The following ZFHX4 variants were observed in gnomAD, a reference collection of about 807,000 sequenced individuals.
ZFHX4 encodes zinc finger homeobox protein 4.
ZFHX4 carries 56 observed loss-of-function variants against 267.6 expected under a neutral mutation model. The observed-to-expected ratio is 0.21, with a 90% CI of 0.17 to 0.26. ZFHX4 has a LOEUF of 0.26. ZFHX4 is among the 10% of genes least tolerant of loss of function. ZFHX4 has a pLI of 1.00. For missense variants in ZFHX4, 4,332 were observed against 4,420.0 expected (o/e 0.98, Z 0.56); for synonymous variants, 1,778 against 1,665.6 (o/e 1.07, Z -1.64).
intron 3 of ZFHX4, among the ~76,000 whole-genome samples, chr8:76,748,423 A>G (rs1408672351): frequency 6.6e-6 from 1 of 152,130 alleles, no homozygotes; most frequent in Non-Finnish European, 1.5e-5. Context: ...AAGTTTTTAT[A>G]TTATTGTTTT....
At chr8:76,698,540 TGA>T (rs1808016655) in intron 1 of ZFHX4, among the ~76,000 whole-genome samples, 1 of 151,630 alleles carries the variant, frequency 6.6e-6, no homozygotes, top group Non-Finnish European at 1.5e-5. Context: ...TTTAGTGATG[TGA>T]GAGAGAATGA....
intron 4 of ZFHX4, among the ~76,000 whole-genome samples, chr8:76,832,378 G>A (rs1001919766): frequency 1.2e-4 from 18 of 152,074 alleles, no homozygotes; most frequent in African/African-American, 3.1e-4. Flanking sequence ...ATGCATGAGG[G>A]GCTTGAGGTT....
chr8:76,692,192 C>G (rs1807842924), intron 1 of ZFHX4, among the ~76,000 whole-genome samples: 1 of 151,996 alleles, frequency 6.6e-6, no homozygotes. Context: ...TTCAATAATT[C>G]AGACCTTAGT....
intron 1 of ZFHX4, chr8:76,693,531 G>C (rs1807876947): frequency 6.6e-6 from 1 of 152,188 alleles, no homozygotes; most frequent in African/African-American, 2.4e-5. Flanking sequence ...GTGTGTATGT[G>C]TGTGTGCCCT....
chr8:76,711,063 T>G (rs188286151), intron 3 of ZFHX4, among the ~76,000 whole-genome samples: 1 of 152,160 alleles, frequency 6.6e-6, no homozygotes, highest in Non-Finnish European at 1.5e-5. Flanking sequence ...GGTTATGGTA[T>G]TTTGGCAAAG....
In ZFHX4 at chr8:76,690,718, TACAG is replaced by T. The variant is rs550709277; in HGVS notation, c.-47+9106_-47+9109del. 4.9e-3 allele frequency among the ~76,000 whole-genome samples: 741 copies of T among 151,866 alleles called. 7 individuals carry two copies. The highest frequency in any genetic ancestry group is 8.1e-3 in the Non-Finnish European group (551 of 67,754). On this transcript the variant is annotated intron_variant, in intron 1 of 10. Transcript: ENST00000651372. ...CTACATTCCTATTCAGTAGAGTATA[TACAG>T]ACAGACACACACACACACATACACA...
chr8:76,695,964 C>G (rs565876249), intron 1 of ZFHX4, among the ~76,000 whole-genome samples: 1 of 152,202 alleles, frequency 6.6e-6, no homozygotes, highest in Non-Finnish European at 1.5e-5. Context: ...CTTTAATTAA[C>G]TCTTATTGCA....
intron 3 of ZFHX4, among the ~76,000 whole-genome samples, chr8:76,752,621 A>C (rs2131709873): frequency 6.6e-6 from 1 of 152,200 alleles, no homozygotes; most frequent in African/African-American, 2.4e-5. Flanking sequence ...CAGTGAGCTG[A>C]GATCATGCCA....
rs372702433 is a variant in ZFHX4 at position 76,778,346 on chromosome 8, C to T, written c.3232C>T (p.Arg1078Trp). Residue 1078 changes from arginine to tryptophan, a missense_variant, in exon 4 of 11, where the codon CGG (arginine) becomes TGG (tryptophan). Arg to Trp is a moderately radical substitution (Grantham distance 101). Transcript: ENST00000651372. The stretch of plus-strand genomic sequence containing the variant: ...GAAGCATCAGCAGACTGAGGGCCTA[C>T]GGAAGCTCCAGCTCCACCAGCAAGG... ...SVKHQQTEGL[R>W]KLQLHQQGLA... The T allele has an allele frequency of 5.9e-5, 96 of 1,613,730 alleles. No individual in the cohort carries two copies. Among genetic ancestry groups the T allele is most frequent in the Middle Eastern group, 3.3e-4 (2 of 6,084 alleles).
At position 76,850,355 on chromosome 8, in the gene ZFHX4, A is replaced by G. The variant is rs572007549; in HGVS notation, c.3957A>G (p.Lys1319=). Residue 1319 remains lysine (K), a synonymous_variant, in exon 9 of 11, where the codon AAA becomes AAG. Coordinates refer to ENST00000651372, the MANE Select transcript of ZFHX4 (RefSeq NM_024721.5). ...PAAVTAEGSG[K]YSGESPMDDK... ...CCGTGACAGCTGAGGGGTCTGGGAA[A>G]TATTCAGGTATGCCATCTTATCATC... 5.7e-5 allele frequency: 92 copies of G among 1,609,406 alleles called. No individual in the cohort carries two copies. The East Asian group carries it at 2.0e-3, about 34-fold the overall frequency.
chr8:76,773,551 T>C (rs1457904990), intron 3 of ZFHX4, among the ~76,000 whole-genome samples: 1 of 152,124 alleles, frequency 6.6e-6, no homozygotes, highest in Non-Finnish European at 1.5e-5. Context: ...CCTCCTGATA[T>C]CTGTTTGGGT....
intron 5 of ZFHX4, among the ~76,000 whole-genome samples, chr8:76,841,152 C>A (rs1457125864): frequency 6.6e-6 from 1 of 152,176 alleles, no homozygotes; most frequent in East Asian, 1.9e-4. Context: ...TGAGGACTCA[C>A]AGTTGAAACA....
Position 76,778,395 on chromosome 8 carries a change from T to G in ZFHX4, c.3281T>G (p.Leu1094Arg). Residue 1094 changes from leucine to arginine, a missense_variant, in exon 4 of 11, where the codon CTC (leucine) becomes CGC (arginine). Leu to Arg is a moderately radical substitution (Grantham distance 102). Coordinates refer to ENST00000651372, the MANE Select transcript of ZFHX4 (RefSeq NM_024721.5). ...GGCCTGGCACCAGAGGAGGACAACC[T>G]CAGTGAGATCTTTTTTGTTAAAGAT... ...QQGLAPEEDN[L>R]SEIFFVKDCP... is the part of the protein sequence containing the mutation. 1 of 1,613,802 alleles carries G rather than the reference T, an allele frequency of 6.2e-7. No homozygotes were observed. The highest frequency in any genetic ancestry group is 1.7e-4 in the Middle Eastern group (1 of 6,058).
At chr8:76,838,346 G>C (rs1222959627) in intron 5 of ZFHX4, among the ~76,000 whole-genome samples, 2 of 152,326 alleles carry the variant, frequency 1.3e-5, no homozygotes, top group Non-Finnish European at 2.9e-5. Flanking sequence ...TAAGAAGACT[G>C]TTCCCAAGCA....
chr8:76,800,923 T>C (rs186031321), intron 4 of ZFHX4, among the ~76,000 whole-genome samples: 1 of 152,304 alleles, frequency 6.6e-6, no homozygotes, highest in East Asian at 1.9e-4. Context: ...TTCTAAGCCT[T>C]GGTGAGACAT....
In ZFHX4 at chr8:76,863,222, C is replaced by T. The variant is rs1315200582; in HGVS notation, c.9508C>T (p.Pro3170Ser). ...TCCACCACCTCCACCACCTCCTCCT[C>T]CTCCTCCTCCTTCATCCTCTCTGTC... Reference protein sequence around the residue: ...QTPPPPPPPPPPPPSSSLSGQ... With the variant: ...QTPPPPPPPPSPPPSSSLSGQ... Residue 3170 changes from proline to serine, a missense_variant, in exon 11 of 11, where the codon CCT becomes TCT. Pro to Ser is a moderately conservative substitution (Grantham distance 74, BLOSUM62 -1). Transcript: ENST00000651372. 3.2e-6 allele frequency: 5 copies of T among 1,582,786 alleles called. No individual in the cohort carries two copies.
In ZFHX4 at chr8:76,864,686, T is replaced by G; in HGVS notation, c.*121T>G. 4.5e-6 allele frequency: 3 copies of G among 664,338 alleles called. No individual in the cohort carries two copies. The highest frequency in any genetic ancestry group is 7.3e-6 in the Non-Finnish European group (3 of 411,080). The allele number at this position is 664,338 out of a possible 1,614,324, so 41.2% of individuals were successfully genotyped here. ...AAAATTACAGTACCAAATGATTGAC[T>G]CAGGATTGTTTTTCCCATATTGATA... On this transcript the variant is annotated 3_prime_UTR_variant, in exon 11 of 11. Transcript: ENST00000651372.
chr8:76,710,029 C>G (rs1808383945), intron 3 of ZFHX4, among the ~76,000 whole-genome samples: 1 of 152,116 alleles, frequency 6.6e-6, no homozygotes, highest in Non-Finnish European at 1.5e-5. Flanking sequence ...GATCCCACAA[C>G]TGAAAGGTGT....
intron 5 of ZFHX4, among the ~76,000 whole-genome samples, chr8:76,842,250 GA>G (rs1277669392): frequency 6.6e-6 from 1 of 152,040 alleles, no homozygotes; most frequent in Non-Finnish European, 1.5e-5. Flanking sequence ...TATTATTTAA[GA>G]TTTTTTTTCT....
Sources: allele counts gnomAD v4.1 joint callset (sites outside exome capture counted in the v4.1 genomes callset), GRCh38; gene constraint gnomAD v4.1.1; transcripts MANE v1.5; gene names NCBI Gene and HGNC (gene_info 2026-07-23, HGNC 2026-07-21).